VPS13B: variants seen among roughly 807,000 people sequenced by gnomAD.
VPS13B encodes intermembrane lipid transfer protein VPS13B.
Under a neutral mutation model 426.4 loss-of-function variants are expected in VPS13B, and 285 were observed. The observed-to-expected ratio is 0.67, with a 90% CI of 0.61 to 0.74. VPS13B has a LOEUF of 0.74. VPS13B is among the 30% of genes least tolerant of loss of function. The pLI is 0.00. For synonymous variants in VPS13B, 1,676 were observed against 1,676.4 expected (o/e 1.00, Z 0.01); for missense variants, 4,537 against 4,782.6 (o/e 0.95, Z 1.51).
At chr8:99,563,027 G>T (rs1329219369) in intron 31 of VPS13B, among the ~76,000 whole-genome samples, 1 of 152,108 alleles carries the variant, frequency 6.6e-6, no homozygotes, top group Non-Finnish European at 1.5e-5. Context: ...GCAGGGCATG[G>T]TGGCATGCAC....
intron 17 of VPS13B, among the ~76,000 whole-genome samples, chr8:99,251,674 A>G (rs1244059499): frequency 6.6e-6 from 1 of 152,098 alleles, no homozygotes; most frequent in African/African-American, 2.4e-5. Flanking sequence ...TATCAGGGTG[A>G]TTCTAGCTTC....
At chr8:99,455,210 T>C (rs1421534395) in intron 23 of VPS13B, among the ~76,000 whole-genome samples, 1 of 152,216 alleles carries the variant, frequency 6.6e-6, no homozygotes, top group Non-Finnish European at 1.5e-5. Flanking sequence ...CCTCCTGTTA[T>C]CTTTTAGGAG....
intron 26 of VPS13B, 103 bp downstream of exon 26, chr8:99,501,961 C>A: frequency 8.1e-7 from 1 of 1,237,594 alleles, no homozygotes; most frequent in Non-Finnish European, 1.1e-6. Context: ...GTCTGTCTGT[C>A]TGTCTGTCTG....
intron 17 of VPS13B, among the ~76,000 whole-genome samples, chr8:99,207,883 A>T (rs1271220421): frequency 6.6e-6 from 1 of 152,186 alleles, no homozygotes; most frequent in East Asian, 1.9e-4. Flanking sequence ...CAGTTCTGGG[A>T]GCAGATAGCT....
At chr8:99,364,939 C>T (rs1563689788) in intron 19 of VPS13B, among the ~76,000 whole-genome samples, 2 of 152,116 alleles carry the variant, frequency 1.3e-5, no homozygotes, top group Non-Finnish European at 2.9e-5. Flanking sequence ...CTTTTTGTTA[C>T]AGGTTTGATC....
At chr8:99,213,441 AT>A (rs1184494128) in intron 17 of VPS13B, among the ~76,000 whole-genome samples, 1 of 152,078 alleles carries the variant, frequency 6.6e-6, no homozygotes, top group Non-Finnish European at 1.5e-5. Flanking sequence ...GGAAAACATA[AT>A]TTTTCAGTAA....
Position 99,400,022 on chromosome 8 carries a change from C to A in VPS13B, c.3082+8318C>A, listed in dbSNP as rs540016991. On this transcript the variant is annotated intron_variant, in intron 21 of 61. Coordinates refer to ENST00000357162, the MANE Select transcript of VPS13B (RefSeq NM_152564.5). ...TTTTTATTTTTCTAGGATTGTAAAGCAGATTTATTTGTGTATGGTTTCTTC... is the reference window on the plus strand; with the variant it reads ...TTTTTATTTTTCTAGGATTGTAAAGAAGATTTATTTGTGTATGGTTTCTTC... Among the ~76,000 whole-genome samples the A allele has an allele frequency of 1.4e-4, 22 of 152,122 alleles. 1 individual carries two copies. Among genetic ancestry groups the A allele is most frequent in the Admixed American group, 1.2e-3 (18 of 15,268 alleles).
intron 33 of VPS13B, among the ~76,000 whole-genome samples, chr8:99,632,865 G>T (rs1335698145): frequency 6.6e-6 from 1 of 151,900 alleles, no homozygotes; most frequent in African/African-American, 2.4e-5. Flanking sequence ...CATTCTGTTG[G>T]GTCTTGATGG....
chr8:99,745,273 C>A (rs1487700633), intron 39 of VPS13B, among the ~76,000 whole-genome samples: 2 of 151,914 alleles, frequency 1.3e-5, no homozygotes, highest in African/African-American at 2.4e-5. Flanking sequence ...CTATTTTATT[C>A]TTCAAACTGA....
At chr8:99,867,438 G>C (rs1251547170) in intron 58 of VPS13B, among the ~76,000 whole-genome samples, 1 of 152,186 alleles carries the variant, frequency 6.6e-6, no homozygotes, top group Non-Finnish European at 1.5e-5. Flanking sequence ...AGGGGTTTTG[G>C]TCGCTATTCT....
At chr8:99,439,825 C>A (rs1348777882) in intron 22 of VPS13B, among the ~76,000 whole-genome samples, 5 of 151,886 alleles carry the variant, frequency 3.3e-5, no homozygotes, top group Admixed American at 3.3e-4. Context: ...ATTGGGATCA[C>A]AATTATAGAG....
intron 13 of VPS13B, among the ~76,000 whole-genome samples, chr8:99,144,494 A>T (rs1810597876): frequency 6.6e-6 from 1 of 151,848 alleles, no homozygotes; most frequent in Admixed American, 6.6e-5. Context: ...GTTTCAAAAA[A>T]AAAAAAAAAA....
At chr8:99,209,605 C>A in intron 17 of VPS13B, 1 of 284,246 alleles carries the variant, frequency 3.5e-6, no homozygotes, top group Admixed American at 4.5e-5. Flanking sequence ...TTGGGTCTTG[C>A]TATGTTGCCC....
intron 19 of VPS13B, among the ~76,000 whole-genome samples, chr8:99,290,799 T>G (rs1472979968): frequency 6.6e-6 from 1 of 152,054 alleles, no homozygotes; most frequent in Admixed American, 6.6e-5. Flanking sequence ...GATGAGTCCT[T>G]AATTAAGGGT....
intron 33 of VPS13B, among the ~76,000 whole-genome samples, chr8:99,629,951 C>T (rs1329091415): frequency 6.6e-6 from 1 of 152,182 alleles, no homozygotes; most frequent in African/African-American, 2.4e-5. Context: ...CCTTTTGTCA[C>T]TGACTTGCTT....
chr8:99,432,960 C>T (rs1037526556), intron 22 of VPS13B, among the ~76,000 whole-genome samples: 2 of 152,156 alleles, frequency 1.3e-5, no homozygotes, highest in Non-Finnish European at 2.9e-5. Flanking sequence ...TCATGAAGAT[C>T]ATAGTTTGGC....
At chr8:99,843,103 A>G (rs972158940) in intron 54 of VPS13B, among the ~76,000 whole-genome samples, 2 of 152,182 alleles carry the variant, frequency 1.3e-5, no homozygotes, top group Non-Finnish European at 2.9e-5. Context: ...GCAGTGAGCC[A>G]TGATCGTGCC....
intron 31 of VPS13B, among the ~76,000 whole-genome samples, chr8:99,559,545 ACATTT>A (rs1232853162): frequency 1.2e-4 from 19 of 152,290 alleles, no homozygotes; most frequent in South Asian, 6.2e-4. Flanking sequence ...TTTAGGTCTA[ACATTT>A]AAGTCTTTAA....
chr8:99,620,737 T>C (rs1828309557), intron 33 of VPS13B, among the ~76,000 whole-genome samples: 1 of 151,498 alleles, frequency 6.6e-6, no homozygotes, highest in Non-Finnish European at 1.5e-5. Flanking sequence ...TTTGGGAGGC[T>C]GAGGCAGGTG....
Sources: allele counts gnomAD v4.1 joint callset (sites outside exome capture counted in the v4.1 genomes callset), GRCh38; gene constraint gnomAD v4.1.1; transcripts MANE v1.5; gene names NCBI Gene and HGNC (gene_info 2026-07-23, HGNC 2026-07-21).